The following ELP4 variants were observed in gnomAD, a reference collection of about 807,000 sequenced individuals.
ELP4 encodes elongator complex protein 4.
ELP4 carries 51 observed loss-of-function variants against 48.9 expected under a neutral mutation model. The ratio of observed to expected loss-of-function variants is 1.04; its 90% CI spans 0.83 to 1.32. ELP4 has a LOEUF of 1.32. Among genes scored for constraint, ELP4 ranks in the 40% most tolerant of loss-of-function variants. The pLI is 0.00. For missense variants in ELP4, 519 were observed against 514.6 expected (o/e 1.01, Z -0.08); for synonymous variants, 210 against 189.2 (o/e 1.11, Z -0.90).
chr11:31,532,741 G>A (rs1956415663), intron 2 of ELP4, among the ~76,000 whole-genome samples: 4 of 144,366 alleles, frequency 2.8e-5, no homozygotes, highest in Admixed American at 2.8e-4. Flanking sequence ...TTCTCAGGGT[G>A]TACAAGTACA....
intron 3 of ELP4, among the ~76,000 whole-genome samples, chr11:31,553,013 A>G (rs1956876587): frequency 6.6e-6 from 1 of 152,156 alleles, no homozygotes; most frequent in Admixed American, 6.6e-5. Context: ...CCATCTCAGC[A>G]GGGCCTAATC....
chr11:31,575,323 C>G (rs1254516846), intron 3 of ELP4, among the ~76,000 whole-genome samples: 1 of 152,164 alleles, frequency 6.6e-6, no homozygotes, highest in African/African-American at 2.4e-5. Context: ...ATTGGTGTAC[C>G]TGAAAGTGAC....
intron 9 of ELP4, among the ~76,000 whole-genome samples, chr11:31,778,190 A>G (rs1416085304): frequency 6.6e-6 from 1 of 152,224 alleles, no homozygotes; most frequent in Non-Finnish European, 1.5e-5. Context: ...TGCCTCCTTA[A>G]TACAGCCATG....
At chr11:31,618,892 A>T (rs1944554549) in intron 5 of ELP4, among the ~76,000 whole-genome samples, 2 of 152,066 alleles carry the variant, frequency 1.3e-5, no homozygotes, top group South Asian at 4.1e-4. Flanking sequence ...ATCTCAATAA[A>T]GTTGTTACCA....
At chr11:31,680,641 A>T (rs1946033956) in intron 9 of ELP4, among the ~76,000 whole-genome samples, 1 of 152,200 alleles carries the variant, frequency 6.6e-6, no homozygotes, top group African/African-American at 2.4e-5. Context: ...TAACGGTTTG[A>T]CAATTAAAAT....
At chr11:31,717,941 T>C (rs910810049) in intron 9 of ELP4, among the ~76,000 whole-genome samples, 1 of 152,266 alleles carries the variant, frequency 6.6e-6, no homozygotes, top group East Asian at 1.9e-4. Context: ...TTGACTCATA[T>C]TGAGTTTACA....
At chr11:31,662,031 C>A (rs1945568469) in intron 9 of ELP4, among the ~76,000 whole-genome samples, 1 of 152,014 alleles carries the variant, frequency 6.6e-6, no homozygotes, top group Non-Finnish European at 1.5e-5. Flanking sequence ...AAATTCCAAT[C>A]TGGTTCTTCA....
In ELP4 at chr11:31,520,040, T is replaced by A. The variant is rs1956187598; in HGVS notation, c.224-16T>A. The A allele has an allele frequency of 6.2e-7, 1 of 1,612,040 alleles. No homozygotes were observed. ...AAAGGTAAATTAATTTTCTTCTGGTTTTGTTTCATTTCCAGGTGGAGGTTT... is the reference window on the plus strand; with the variant it reads ...AAAGGTAAATTAATTTTCTTCTGGTATTGTTTCATTTCCAGGTGGAGGTTT... On this transcript the variant is annotated splice_polypyrimidine_tract_variant and intron_variant, in intron 1 of 9. Coordinates refer to ENST00000640961, the MANE Select transcript of ELP4 (RefSeq NM_019040.5).
At chr11:31,640,809 A>C (rs987278864) in intron 7 of ELP4, among the ~76,000 whole-genome samples, 4 of 151,974 alleles carry the variant, frequency 2.6e-5, no homozygotes, top group African/African-American at 9.7e-5. Flanking sequence ...TTCTAGAAGC[A>C]AGTGCCAGTT....
At chr11:31,742,844 A>G (rs566861053) in intron 9 of ELP4, among the ~76,000 whole-genome samples, 75 of 152,342 alleles carry the variant, frequency 4.9e-4, no homozygotes, top group African/African-American at 1.8e-3. Flanking sequence ...TGCATCAAGT[A>G]TCAAGCAAAA....
chr11:31,654,858 A>G (rs2134080826), intron 9 of ELP4: 1 of 151,992 alleles, frequency 6.6e-6, no homozygotes, highest in South Asian at 2.1e-4. Flanking sequence ...GTCAACTCAC[A>G]ATTATGTTAC....
chr11:31,603,719 T>C (rs1957821887), intron 4 of ELP4, 49 bp from the exon 5 acceptor site: 3 of 1,572,640 alleles, frequency 1.9e-6, no homozygotes, highest in South Asian at 2.4e-5. Context: ...AAATAAATTA[T>C]AGCTTAAAAA....
chr11:31,709,438 C>G (rs1946696465), intron 9 of ELP4, among the ~76,000 whole-genome samples: 1 of 152,046 alleles, frequency 6.6e-6, no homozygotes, highest in Admixed American at 6.6e-5. Context: ...TACTCACTAT[C>G]AGGGAATTGT....
At chr11:31,551,728 A>C (rs1389259228) in intron 3 of ELP4, among the ~76,000 whole-genome samples, 1 of 152,190 alleles carries the variant, frequency 6.6e-6, no homozygotes, top group Non-Finnish European at 1.5e-5. Flanking sequence ...AGCTATTTCT[A>C]AGAAAAATGG....
At chr11:31,678,999 T>G (rs1278840150) in intron 9 of ELP4, among the ~76,000 whole-genome samples, 1 of 152,230 alleles carries the variant, frequency 6.6e-6, no homozygotes, top group Non-Finnish European at 1.5e-5. Context: ...TGTTTTAGTT[T>G]GCAATTTTCT....
chr11:31,701,661 T>G (rs1203843780), intron 9 of ELP4, among the ~76,000 whole-genome samples: 1 of 150,742 alleles, frequency 6.6e-6, no homozygotes, highest in Admixed American at 6.6e-5. Context: ...TTCAGTTAAT[T>G]AACTTAAGCC....
intron 9 of ELP4, among the ~76,000 whole-genome samples, chr11:31,728,587 C>T (rs1947124439): frequency 6.6e-6 from 1 of 152,170 alleles, no homozygotes; most frequent in East Asian, 1.9e-4. Context: ...GTAGCATATG[C>T]TGCAAAAGCT....
intron 9 of ELP4, among the ~76,000 whole-genome samples, chr11:31,745,191 A>T (rs1947556387): frequency 6.6e-6 from 1 of 152,224 alleles, no homozygotes; most frequent in Non-Finnish European, 1.5e-5. Context: ...AAGGGATGTC[A>T]AGGACCTCTT....
At chr11:31,651,938 G>A (rs749103941) in intron 9 of ELP4, 4 of 151,614 alleles carry the variant, frequency 2.6e-5, no homozygotes, top group South Asian at 2.1e-4. Context: ...AAGAACTTAC[G>A]TGATGTCAAG....
Sources: allele counts gnomAD v4.1 joint callset (sites outside exome capture counted in the v4.1 genomes callset), GRCh38; gene constraint gnomAD v4.1.1; transcripts MANE v1.5; gene names NCBI Gene and HGNC (gene_info 2026-07-23, HGNC 2026-07-21).